GRID1: variants seen among roughly 807,000 people sequenced by gnomAD.
GRID1 encodes the protein glutamate receptor ionotropic, delta-1.
Under a neutral mutation model 98.0 loss-of-function variants are expected in GRID1, and 28 were observed. The ratio of observed to expected loss-of-function variants is 0.29; its 90% CI spans 0.21 to 0.39. The LOEUF (loss-of-function observed/expected upper bound fraction) is 0.39, where lower values mean the gene tolerates loss of function less well. GRID1 is among the 10% of genes least tolerant of loss of function. The probability of loss-of-function intolerance (pLI) is 1.00; values close to 1 mark genes in which losing one functional copy is unlikely to be tolerated. For missense variants in GRID1, 1,111 were observed against 1,340.5 expected, an observed-to-expected ratio of 0.83 and a Z score of 2.67; for synonymous variants, 553 against 538.5, an observed-to-expected ratio of 1.03 and a Z score of -0.37.
intron 4 of GRID1, among the ~76,000 whole-genome samples, chr10:86,000,652 C>G (rs1842792617): frequency 6.6e-6 from 1 of 152,084 alleles, no homozygotes; most frequent in Non-Finnish European, 1.5e-5. Context: ...AACAACAGTG[C>G]AAAAGCAATT....
intron 8 of GRID1, among the ~76,000 whole-genome samples, chr10:85,803,519 C>T (rs1183287888): frequency 6.6e-6 from 1 of 151,868 alleles, no homozygotes; most frequent in Non-Finnish European, 1.5e-5. Context: ...GTCTCAATAA[C>T]TTTAAAACAA....
chr10:86,033,280 A>G (rs1424654962), intron 4 of GRID1, among the ~76,000 whole-genome samples: 1 of 152,160 alleles, frequency 6.6e-6, no homozygotes, highest in Non-Finnish European at 1.5e-5. Context: ...CCCATGATCT[A>G]ATTATCATCA....
At chr10:86,148,713 T>C (rs1309268385) in intron 3 of GRID1, among the ~76,000 whole-genome samples, 1 of 152,072 alleles carries the variant, frequency 6.6e-6, no homozygotes, top group Admixed American at 6.5e-5. Flanking sequence ...ACATGTTGTA[T>C]ACCACAAAAA....
intron 4 of GRID1, among the ~76,000 whole-genome samples, chr10:86,048,152 C>A (rs536651367): frequency 1.3e-5 from 2 of 152,118 alleles, no homozygotes; most frequent in Non-Finnish European, 2.9e-5. Flanking sequence ...TTTTGAGGTT[C>A]CAGGATCAGA....
chr10:86,217,337 C>G (rs2132026859), intron 2 of GRID1, among the ~76,000 whole-genome samples: 1 of 152,298 alleles, frequency 6.6e-6, no homozygotes, highest in African/African-American at 2.4e-5. Flanking sequence ...AGTCCCACCT[C>G]CTAGGGCTGA....
intron 12 of GRID1, among the ~76,000 whole-genome samples, chr10:85,661,803 T>C (rs768501053): frequency 6.6e-6 from 1 of 152,206 alleles, no homozygotes; most frequent in Admixed American, 6.5e-5. Flanking sequence ...GCAAAGCCAA[T>C]GTCTTCCTCC....
chr10:86,321,008 G>A (rs1589448640), intron 2 of GRID1, among the ~76,000 whole-genome samples: 1 of 151,640 alleles, frequency 6.6e-6, no homozygotes, highest in Non-Finnish European at 1.5e-5. Context: ...GCTGAGGCAG[G>A]AGAATGCCGT....
intron 4 of GRID1, among the ~76,000 whole-genome samples, chr10:86,066,665 T>C (rs1476657625): frequency 6.6e-6 from 1 of 152,212 alleles, no homozygotes; most frequent in East Asian, 1.9e-4. Context: ...TGTGATATAA[T>C]GTGATATGCT....
intron 5 of GRID1, among the ~76,000 whole-genome samples, chr10:85,876,912 C>A: frequency 6.6e-6 from 1 of 152,188 alleles, no homozygotes; most frequent in Middle Eastern, 3.2e-3. Flanking sequence ...CCCAATACTG[C>A]GCTTTTCCAA....
chr10:85,833,140 T>C (rs1052499995), intron 8 of GRID1, among the ~76,000 whole-genome samples: 5 of 152,126 alleles, frequency 3.3e-5, no homozygotes, highest in Non-Finnish European at 1.5e-5. Context: ...TAGGCTGGAA[T>C]CTTTTCTCCT....
At chr10:85,922,632 GCAA>G (rs1332733828) in intron 4 of GRID1, among the ~76,000 whole-genome samples, 6 of 152,308 alleles carry the variant, frequency 3.9e-5, no homozygotes, top group African/African-American at 1.4e-4. Flanking sequence ...CGCTGCCTTT[GCAA>G]CAACATGTCA....
chr10:85,714,158 A>C (rs1841612249), intron 12 of GRID1, among the ~76,000 whole-genome samples: 1 of 150,324 alleles, frequency 6.7e-6, no homozygotes, highest in Non-Finnish European at 1.5e-5. Flanking sequence ...AGAGGAACAG[A>C]AAACTAAATA....
At chr10:86,240,124 A>G (rs745522303) in intron 2 of GRID1, among the ~76,000 whole-genome samples, 1 of 152,214 alleles carries the variant, frequency 6.6e-6, no homozygotes, top group Non-Finnish European at 1.5e-5. Context: ...GAGAAAATAA[A>G]TATCTGTTTT....
chr10:86,124,645 C>A (rs1844724863), intron 4 of GRID1, among the ~76,000 whole-genome samples: 1 of 152,164 alleles, frequency 6.6e-6, no homozygotes, highest in Non-Finnish European at 1.5e-5. Flanking sequence ...TAGTGTCTGA[C>A]CACCACCTCC....
chr10:85,895,608 T>G (rs1022448022), intron 5 of GRID1, among the ~76,000 whole-genome samples: 1 of 152,152 alleles, frequency 6.6e-6, no homozygotes, highest in Admixed American at 6.5e-5. Flanking sequence ...GGGGTACACA[T>G]CTCTCCCAGT....
At chr10:85,766,208 G>A (rs1448371281) in intron 8 of GRID1, among the ~76,000 whole-genome samples, 21 of 152,232 alleles carry the variant, frequency 1.4e-4, no homozygotes, top group Non-Finnish European at 4.4e-5. Context: ...AATAGGGACT[G>A]GGCACAGTGG....
intron 3 of GRID1, among the ~76,000 whole-genome samples, chr10:86,164,428 A>T (rs532924295): frequency 2.6e-5 from 4 of 152,204 alleles, no homozygotes; most frequent in Non-Finnish European, 5.9e-5. Context: ...GCATTCATTC[A>T]TTAATTCATT....
chr10:85,603,065 AT>A (rs1842604832), intron 15 of GRID1, among the ~76,000 whole-genome samples: 1 of 152,218 alleles, frequency 6.6e-6, no homozygotes, highest in South Asian at 2.1e-4. Context: ...AATAAAGGAA[AT>A]AGTCCTTGAG....
chr10:85,877,731 A>G (rs1472649022), intron 5 of GRID1, among the ~76,000 whole-genome samples: 1 of 152,268 alleles, frequency 6.6e-6, no homozygotes, highest in Non-Finnish European at 1.5e-5. Context: ...CCTCCAAAGG[A>G]ACGCAGCTCC....
Sources: allele counts gnomAD v4.1 joint callset (sites outside exome capture counted in the v4.1 genomes callset), GRCh38; gene constraint gnomAD v4.1.1; transcripts MANE v1.5; gene names NCBI Gene and HGNC (gene_info 2026-07-23, HGNC 2026-07-21).